PLEKHG4B: variants seen among roughly 807,000 people sequenced by gnomAD.
PLEKHG4B encodes pleckstrin homology and RhoGEF domain containing G4B.
PLEKHG4B carries 111 observed loss-of-function variants against 121.3 expected under a neutral mutation model. The ratio of observed to expected loss-of-function variants is 0.92; its 90% CI spans 0.78 to 1.07. PLEKHG4B has a LOEUF of 1.07. PLEKHG4B is among the 50% of genes least tolerant of loss of function. The probability of loss-of-function intolerance (pLI) is 0.00; values close to 1 mark genes in which losing one functional copy is unlikely to be tolerated. For missense variants in PLEKHG4B, 1,831 were observed against 1,757.8 expected, an observed-to-expected ratio of 1.04 and a Z score of -0.74; for synonymous variants, 738 against 725.0, an observed-to-expected ratio of 1.02 and a Z score of -0.29.
At chr5:122,667 G>A (rs985159937) in intron 2 of PLEKHG4B, among the ~76,000 whole-genome samples, 1 of 152,050 alleles carries the variant, frequency 6.6e-6, no homozygotes, top group African/African-American at 2.4e-5. Context: ...TGATCCACCT[G>A]CCTCGGCCTC....
intron 2 of PLEKHG4B, among the ~76,000 whole-genome samples, chr5:119,361 T>C (rs183811409): frequency 6.6e-5 from 10 of 152,332 alleles, no homozygotes. Flanking sequence ...GTTATTTATA[T>C]CCTACTGCTG....
chr5:116,603 G>A (rs889480022), intron 2 of PLEKHG4B, among the ~76,000 whole-genome samples: 2 of 152,246 alleles, frequency 1.3e-5, no homozygotes, highest in African/African-American at 4.8e-5. Flanking sequence ...TGAGGCCGGG[G>A]TAAAACTGTA....
chr5:150,713 A>G (rs1735578897), intron 6 of PLEKHG4B, among the ~76,000 whole-genome samples: 2 of 152,206 alleles, frequency 1.3e-5, no homozygotes, highest in African/African-American at 4.8e-5. Flanking sequence ...TGCAACTGAA[A>G]ACCAAAATGA....
intron 16 of PLEKHG4B, among the ~76,000 whole-genome samples, chr5:172,208 G>A (rs1736580185): frequency 1.1e-4 from 17 of 152,254 alleles, no homozygotes; most frequent in Admixed American, 1.1e-3. Flanking sequence ...GGTCACTTGT[G>A]TGGAGGCGCC....
intron 7 of PLEKHG4B, among the ~76,000 whole-genome samples, chr5:153,545 T>TAC (rs1735669721): frequency 6.6e-6 from 1 of 152,194 alleles, no homozygotes; most frequent in Non-Finnish European, 1.5e-5. Context: ...TTTACACACA[T>TAC]ACCGCGGGGC....
Position 144,887 on chromosome 5 carries a change from C to A in PLEKHG4B, c.1872C>A (p.Ala624=), listed in dbSNP as rs765949040. ...TGGATGCACGCAGGAGTCCAGCTGCCCCTGCCGTCTCCCAGGCCCTCTCAG... is the reference window on the plus strand; with the variant it reads ...TGGATGCACGCAGGAGTCCAGCTGCACCTGCCGTCTCCCAGGCCCTCTCAG... ...VLVDARRSPA[A]PAVSQALSGL... The change falls in exon 6 of 20, where the codon GCC becomes GCA. Residue 624 remains alanine (A), a synonymous_variant. Transcript: ENST00000637938. The A allele has an allele frequency of 1.2e-6, 2 of 1,613,386 alleles. No individual in the cohort carries two copies. The highest frequency in any genetic ancestry group is 1.7e-6 in the Non-Finnish European group (2 of 1,179,974).
At position 162,848 on chromosome 5, in the gene PLEKHG4B, G is replaced by A. The variant is rs769107783; in HGVS notation, c.2776G>A (p.Ala926Thr). 1.3e-5 allele frequency: 19 copies of A among 1,515,322 alleles called. 1 individual carries two copies. The Admixed American group carries it at 2.8e-4, about 23-fold the overall frequency. The allele number at this position is 1,515,322 out of a possible 1,614,324, so 93.9% of individuals were successfully genotyped here. A position where few individuals can be genotyped will look rare whatever the true frequency, so the allele number is the denominator to read the frequency against. Residue 926 changes from alanine (A) to threonine (T), a missense_variant, in exon 13 of 20, where the codon GCA becomes ACA. Coordinates refer to ENST00000637938, the MANE Select transcript of PLEKHG4B (RefSeq NM_052909.5). ...AGAGGCCTTCCCCGGGGCAGGTGTGGCAGTGCTGAAGCCTCATGCCCTGGG... is the reference window on the plus strand; with the variant it reads ...AGAGGCCTTCCCCGGGGCAGGTGTGACAGTGCTGAAGCCTCATGCCCTGGG... ...AAEAFPGAGV[A>T]VLKPHALGKP...
intron 18 of PLEKHG4B, among the ~76,000 whole-genome samples, chr5:178,490 T>A (rs983727330): frequency 6.6e-6 from 1 of 152,246 alleles, no homozygotes; most frequent in East Asian, 1.9e-4. Context: ...TTGAAAATTG[T>A]GTTTTTCAGA....
intron 3 of PLEKHG4B, among the ~76,000 whole-genome samples, chr5:141,549 A>G (rs1735204209): frequency 6.6e-6 from 1 of 151,106 alleles, no homozygotes; most frequent in Admixed American, 6.6e-5. Context: ...GGGCCCCTCT[A>G]AACCCAGGAC....
At chr5:148,041 G>A (rs1735481880) in intron 6 of PLEKHG4B, among the ~76,000 whole-genome samples, 1 of 152,048 alleles carries the variant, frequency 6.6e-6, no homozygotes, top group African/African-American at 2.4e-5. Context: ...CTTTCATGAT[G>A]AAAGCACTCA....
intron 13 of PLEKHG4B, chr5:169,110 G>A (rs1216488049): frequency 1.1e-5 from 6 of 553,750 alleles, no homozygotes; most frequent in Non-Finnish European, 1.6e-5. Context: ...TCTTGACCTC[G>A]TGATCTACCC....
chr5:114,642 G>A (rs1342126274), intron 2 of PLEKHG4B, among the ~76,000 whole-genome samples: 1 of 152,126 alleles, frequency 6.6e-6, no homozygotes, highest in Non-Finnish European at 1.5e-5. Context: ...GTTTTTAGTA[G>A]AGGTGGGTTT....
intron 11 of PLEKHG4B, among the ~76,000 whole-genome samples, chr5:160,447 G>A (rs1017783361): frequency 2.6e-5 from 4 of 151,900 alleles, no homozygotes; most frequent in Non-Finnish European, 5.9e-5. Context: ...CCCGCCGGCT[G>A]CCCCGTGGGG....
intron 1 of PLEKHG4B, among the ~76,000 whole-genome samples, chr5:106,891 C>T (rs1482530828): frequency 4.6e-5 from 7 of 152,092 alleles, no homozygotes; most frequent in African/African-American, 1.4e-4. Context: ...GCGCAGTTCT[C>T]GTGTATGTAC....
chr5:152,580 A>G (rs2126420361), intron 7 of PLEKHG4B, among the ~76,000 whole-genome samples: 1 of 151,978 alleles, frequency 6.6e-6, no homozygotes, highest in East Asian at 1.9e-4. Context: ...GTATACCAGT[A>G]TTGTCCCGCA....
rs1347131792 is a variant in PLEKHG4B at position 113,167 on chromosome 5, T to A, written c.46-84T>A. ...ACAGGACAAGGGACTTCCGTGTGGA[T>A]CCTTCAGTGCCAGCCTTGGACTGTG... On this transcript the variant is annotated intron_variant, in intron 1 of 19. Transcript: ENST00000637938. This position sits in a 1 kb window ranked among gnomAD's most constrained non-coding sequence, Gnocchi z 5.2. The A allele has an allele frequency of 7.5e-6, 3 of 398,302 alleles. No homozygotes were observed. Among genetic ancestry groups the A allele is most frequent in the Non-Finnish European group, 1.3e-5 (3 of 226,050 alleles). 24.7% of individuals were successfully genotyped at this position (398,302 alleles called of 1,614,324 possible). A position where few individuals can be genotyped will look rare whatever the true frequency, so the allele number is the denominator to read the frequency against.
At position 156,670 on chromosome 5, in the gene PLEKHG4B, C is replaced by A; in HGVS notation, c.2349-103C>A. 1 of 1,415,782 alleles carries A rather than the reference C, an allele frequency of 7.1e-7. No individual in the cohort carries two copies. The highest frequency in any genetic ancestry group is 2.5e-5 in the East Asian group (1 of 39,874). The allele number at this position is 1,415,782 out of a possible 1,614,324, so 87.7% of individuals were successfully genotyped here. ...TCCTGGGGCTCCCGTTGCCTTGTGG[C>A]ATGAGGGAATGGAAAGAGCAGGGTT... On this transcript the variant is annotated intron_variant, in intron 10 of 19. Coordinates refer to ENST00000637938, the MANE Select transcript of PLEKHG4B (RefSeq NM_052909.5). This position sits in a 1 kb window ranked among gnomAD's most constrained non-coding sequence, Gnocchi z 4.4.
In PLEKHG4B at chr5:182,945, A is replaced by G. The variant is rs1203105364; in HGVS notation, c.*622A>G. 6.5e-6 allele frequency: 1 copy of G among 154,966 alleles called. No individual in the cohort carries two copies. Among genetic ancestry groups the G allele is most frequent in the Non-Finnish European group, 1.4e-5 (1 of 69,766 alleles). The allele number at this position is 154,966 out of a possible 1,614,324, so 9.6% of individuals were successfully genotyped here. ...GCTGGGAGCAACCTTTGAAAAGACC[A>G]AAGATCAATTCCTGGTACTCATGTG... On this transcript the variant is annotated 3_prime_UTR_variant, in exon 20 of 20. Coordinates refer to ENST00000637938, the MANE Select transcript of PLEKHG4B (RefSeq NM_052909.5).
Position 181,995 on chromosome 5 carries a change from C to T in PLEKHG4B, c.4565-9C>T, listed in dbSNP as rs1166300152. 1.2e-6 allele frequency: 2 copies of T among 1,612,002 alleles called. No homozygotes were observed. Among genetic ancestry groups the T allele is most frequent in the Non-Finnish European group, 1.7e-6 (2 of 1,178,236 alleles). Reference sequence around the variant, plus strand: ...AAGCCAGCCTGACGTGCTTTCTGTCCCTTTCCAGAGTCACAAATGAGAGGG... The same window carrying T: ...AAGCCAGCCTGACGTGCTTTCTGTCTCTTTCCAGAGTCACAAATGAGAGGG... On this transcript the variant is annotated splice_polypyrimidine_tract_variant and intron_variant, in intron 19 of 19. Coordinates refer to ENST00000637938, the MANE Select transcript of PLEKHG4B (RefSeq NM_052909.5).
Sources: gnomAD v4.1 joint callset for allele counts (sites outside exome capture counted in the v4.1 genomes callset) on GRCh38, gnomAD v4.1.1 for gene constraint, Gnocchi (gnomAD v3.1) non-coding constraint, MANE v1.5 for transcripts, NCBI Gene and HGNC (gene_info 2026-07-23, HGNC 2026-07-21) for gene names.